Variants in CCND3 observed in about 807,000 individuals in gnomAD.
CCND3 encodes the protein G1/S-specific cyclin-D3.
CCND3 carries 9 observed loss-of-function variants against 28.7 expected under a neutral mutation model. That is an observed-to-expected ratio of 0.31 (90% CI 0.19 to 0.55). The LOEUF is 0.55. Ranked by LOEUF, CCND3 falls within the 20% of genes least tolerant of loss-of-function variation. The pLI, the probability that CCND3 is intolerant of heterozygous loss-of-function variation, is 0.93. For synonymous variants in CCND3, 164 were observed against 163.9 expected, an observed-to-expected ratio of 1.00 and a Z score of 0.00; for missense variants, 315 against 385.8, an observed-to-expected ratio of 0.82 and a Z score of 1.54.
chr6:41,995,873 G>A (rs1428242190), intron 1 of CCND3, among the ~76,000 whole-genome samples: 1 of 151,892 alleles, frequency 6.6e-6, no homozygotes, highest in South Asian at 2.1e-4. Context: ...GGCCAACACA[G>A]AGAGACCCTG....
chr6:42,034,884 T>A (rs1764159731), intron 1 of CCND3, among the ~76,000 whole-genome samples: 2 of 152,200 alleles, frequency 1.3e-5, no homozygotes, highest in South Asian at 4.1e-4. Context: ...CTAGATGTTT[T>A]TTATATTTCT....
chr6:42,013,821 C>A (rs1028339898), intron 1 of CCND3, among the ~76,000 whole-genome samples: 14 of 152,182 alleles, frequency 9.2e-5, no homozygotes, highest in African/African-American at 3.1e-4. Flanking sequence ...CACCTGTAAT[C>A]CCAGCACTTT....
chr6:42,048,305 T>A lies in CCND3; in HGVS notation c.-46+196A>T. On this transcript the variant is annotated intron_variant, in intron 1 of 4. Coordinates refer to the CCND3 transcript ENST00000372988. This position sits in a 1 kb window ranked among gnomAD's most constrained non-coding sequence, Gnocchi z 4.7. ...TGTACATACAGAGGGCTCAGGGCCTTTGGGGGTTTCTCTGCCCTTCAATTC... is the reference window on the plus strand; with the variant it reads ...TGTACATACAGAGGGCTCAGGGCCTATGGGGGTTTCTCTGCCCTTCAATTC... 3.1e-6 allele frequency: 1 copy of A among 317,992 alleles called. No homozygotes were observed. Among genetic ancestry groups the A allele is most frequent in the Non-Finnish European group, 6.2e-6 (1 of 161,412 alleles). The allele number at this position is 317,992 out of a possible 1,614,324, so 19.7% of individuals were successfully genotyped here. A position where few individuals can be genotyped will look rare whatever the true frequency, so the allele number is the denominator to read the frequency against.
rs942964987 is a variant in CCND3, at chr6:41,936,474, G to A, written c.711+85C>T. ...AACCAGGACTTGGGACCAGGTTGGGGTTGGAGGTTTCCCTCTACTGGAGGC... is the reference window on the plus strand; with the variant it reads ...AACCAGGACTTGGGACCAGGTTGGGATTGGAGGTTTCCCTCTACTGGAGGC... On this transcript the variant is annotated intron_variant, in intron 4 of 4. Coordinates refer to ENST00000372991, the MANE Select transcript of CCND3 (RefSeq NM_001760.5). The surrounding 1 kb of genome is among the most constrained non-coding windows in gnomAD (Gnocchi z 4.4). 6 of 1,493,276 alleles carry A rather than the reference G, an allele frequency of 4.0e-6. No individual in the cohort carries two copies. In the African/African-American group the frequency reaches 6.9e-5, roughly 17 times the overall value. The allele number at this position is 1,493,276 out of a possible 1,614,324, so 92.5% of individuals were successfully genotyped here.
intron 1 of CCND3, among the ~76,000 whole-genome samples, chr6:42,039,544 T>TA (rs889333647): frequency 3.3e-5 from 5 of 152,156 alleles, no homozygotes; most frequent in Non-Finnish European, 5.9e-5. Flanking sequence ...CCTCCAGACT[T>TA]ACGCTCTCAG....
chr6:41,959,679 T>TCCGTCTCA (rs772818142), intron 1 of CCND3, among the ~76,000 whole-genome samples: 38 of 147,150 alleles, frequency 2.6e-4, no homozygotes, highest in South Asian at 4.3e-4. Flanking sequence ...ACAGCAAGAC[T>TCCGTCTCA]AAATCAGGCC....
At chr6:41,946,332 C>G (rs1050902687), upstream of CCND3, among the ~76,000 whole-genome samples, 24 of 151,862 alleles carry the variant, frequency 1.6e-4, no homozygotes, top group Admixed American at 1.3e-3. Context: ...CACGGTGGCT[C>G]ACACCTGTAA....
intron 1 of CCND3, among the ~76,000 whole-genome samples, chr6:41,977,909 G>A (rs538194008): frequency 6.6e-6 from 1 of 152,054 alleles, no homozygotes; most frequent in African/African-American, 2.4e-5. Flanking sequence ...ACAAAGATTA[G>A]CTGGGCATGG....
intron 1 of CCND3, among the ~76,000 whole-genome samples, chr6:42,038,721 T>A (rs1353020173): frequency 2.0e-5 from 3 of 152,190 alleles, no homozygotes; most frequent in Admixed American, 1.3e-4. Context: ...AAATTATTTC[T>A]ATAATATGGC....
rs2127389685 is a variant in CCND3 at position 41,936,057 on chromosome 6, G to A, written c.762C>T (p.Ser254=). The A allele has an allele frequency of 6.2e-7, 1 of 1,612,586 alleles. No homozygotes were observed. The highest frequency in any genetic ancestry group is 8.5e-7 in the Non-Finnish European group (1 of 1,179,188). Residue 254 remains serine, a synonymous_variant, in exon 5 of 5, where the codon AGC becomes AGT. Transcript: ENST00000372991. This position sits in a 1 kb window ranked among gnomAD's most constrained non-coding sequence, Gnocchi z 4.4. ...AGCTGGTCTGAGAGGCTTCCCTGAG[G>A]CTCTCCCTGAGTGCAGCTTCGATCT... The part of the protein sequence containing the change: ...QEQIEAALRE[S]LREASQTSSS...
intron 1 of CCND3, among the ~76,000 whole-genome samples, chr6:41,952,190 A>C (rs769905155): frequency 3.3e-5 from 5 of 152,228 alleles, no homozygotes; most frequent in Non-Finnish European, 7.3e-5. Flanking sequence ...CAAAGGGATT[A>C]GGCAACACCC....
chr6:42,010,211 C>CT (rs1171107129), intron 1 of CCND3, among the ~76,000 whole-genome samples: 22 of 152,176 alleles, frequency 1.4e-4, no homozygotes, highest in Admixed American at 1.4e-3. Flanking sequence ...AGAGCCCTCC[C>CT]TCTCTTCTCA....
Position 41,940,349 on chromosome 6 carries a change from TG to T in CCND3, c.414+20del. The T allele has an allele frequency of 1.9e-6, 3 of 1,567,680 alleles. No individual in the cohort carries two copies. Among genetic ancestry groups the T allele is most frequent in the Non-Finnish European group, 2.6e-6 (3 of 1,139,230 alleles). ...GTGGGGAGACAATACGTGTCGGGGG[TG>T]GGGGGAGTTACACACGCACCCGCAA... On this transcript the variant is annotated intron_variant, in intron 2 of 4. Coordinates refer to ENST00000372991, the MANE Select transcript of CCND3 (RefSeq NM_001760.5).
At chr6:42,041,877 A>C (rs183613180) in intron 1 of CCND3, among the ~76,000 whole-genome samples, 1 of 152,110 alleles carries the variant, frequency 6.6e-6, no homozygotes, top group Non-Finnish European at 1.5e-5. Context: ...CTGGAGCCCA[A>C]ATTGGAGCTC....
At chr6:41,951,577 A>ACACACACAC (rs1247884939) in intron 1 of CCND3, among the ~76,000 whole-genome samples, 6 of 145,838 alleles carry the variant, frequency 4.1e-5, no homozygotes, top group Non-Finnish European at 6.0e-5. Context: ...CACACACACA[A>ACACACACAC]AAAAAAAGAT....
At chr6:41,996,508 C>G (rs1328829309) in intron 1 of CCND3, among the ~76,000 whole-genome samples, 1 of 151,976 alleles carries the variant, frequency 6.6e-6, no homozygotes, top group Non-Finnish European at 1.5e-5. Context: ...CCACCATCAG[C>G]CTTTCTACGA....
intron 1 of CCND3, among the ~76,000 whole-genome samples, chr6:42,012,830 C>T (rs1375849386): frequency 2.0e-5 from 3 of 152,136 alleles, no homozygotes; most frequent in Admixed American, 6.6e-5. Context: ...AAGCTTCTAC[C>T]AGATTCATTA....
rs573110528 is a variant in CCND3 at position 41,939,234 on chromosome 6, G to T, written c.414+1136C>A. On this transcript the variant is annotated intron_variant, in intron 2 of 4. Coordinates refer to ENST00000372991, the MANE Select transcript of CCND3 (RefSeq NM_001760.5). The surrounding 1 kb of genome is among the most constrained non-coding windows in gnomAD (Gnocchi z 4.2). ...TCCTGTTCCTCGACTCACAGCAGTCGGGGGCCCCAGTACCCTGGCTTCCCT... is the reference window on the plus strand; with the variant it reads ...TCCTGTTCCTCGACTCACAGCAGTCTGGGGCCCCAGTACCCTGGCTTCCCT... 4.6e-5 allele frequency among the ~76,000 whole-genome samples: 7 copies of T among 152,160 alleles called. No individual in the cohort carries two copies. Among genetic ancestry groups the T allele is most frequent in the Admixed American group, 3.9e-4 (6 of 15,276 alleles).
upstream of CCND3, among the ~76,000 whole-genome samples, chr6:41,942,693 C>A (rs1776069522): frequency 6.6e-6 from 1 of 152,022 alleles, no homozygotes; most frequent in South Asian, 2.1e-4. Context: ...TCTTCCACCT[C>A]CCAAACTTTT....
Sources: gnomAD v4.1 joint callset for allele counts (sites outside exome capture counted in the v4.1 genomes callset) on GRCh38, gnomAD v4.1.1 for gene constraint, Gnocchi (gnomAD v3.1) non-coding constraint, MANE v1.5 for transcripts, NCBI Gene and HGNC (gene_info 2026-07-23, HGNC 2026-07-21) for gene names.